The following ARHGEF11 variants were observed in gnomAD, a reference collection of about 807,000 sequenced individuals.
ARHGEF11 encodes the protein Rho guanine nucleotide exchange factor 11.
In ARHGEF11, 55 loss-of-function variants were observed where a neutral mutation model predicts 193.7. That is an observed-to-expected ratio of 0.28 (90% CI 0.23 to 0.36). ARHGEF11 has a LOEUF of 0.36. Among genes scored for constraint, ARHGEF11 ranks in the 10% least tolerant of loss-of-function variants. The probability of loss-of-function intolerance (pLI) is 1.00; values close to 1 mark genes in which losing one functional copy is unlikely to be tolerated. For synonymous variants in ARHGEF11, 693 were observed against 768.0 expected (o/e 0.90, Z 1.62); for missense variants, 1,723 against 2,005.6 (o/e 0.86, Z 2.69).
At chr1:157,027,159 C>T (rs940772379) in intron 1 of ARHGEF11, among the ~76,000 whole-genome samples, 3 of 152,124 alleles carry the variant, frequency 2.0e-5, no homozygotes, top group Non-Finnish European at 2.9e-5. Context: ...GCAGGAGGAT[C>T]GCTTGAGCCT....
In ARHGEF11 at chr1:156,980,464, A is replaced by G; in HGVS notation, c.246T>C (p.Gly82=). Residue 82 remains glycine (G), a synonymous_variant, in exon 4 of 41, where the codon GGT becomes GGC. Transcript: ENST00000368194. ...TGATGATCCGGTCGCCCTCTTTCAC[A>G]CCGGCCTTCATGGCTGCACCTCCTG... ...VRPGGAAMKA[G]VKEGDRIIKV... The G allele has an allele frequency of 6.2e-7, 1 of 1,602,206 alleles. No individual in the cohort carries two copies. The highest frequency in any genetic ancestry group is 8.5e-7 in the Non-Finnish European group (1 of 1,173,864).
At chr1:157,014,407 T>A (rs1184743752) in intron 1 of ARHGEF11, among the ~76,000 whole-genome samples, 1 of 151,960 alleles carries the variant, frequency 6.6e-6, no homozygotes, top group Admixed American at 6.6e-5. Flanking sequence ...CTCTCTCTCT[T>A]TTTTTTTCTC....
intron 1 of ARHGEF11, among the ~76,000 whole-genome samples, chr1:157,018,785 G>T (rs995223267): frequency 5.9e-5 from 9 of 152,138 alleles, no homozygotes; most frequent in Non-Finnish European, 1.5e-5. Flanking sequence ...GTGTGTTTTT[G>T]ATATAGATCA....
chr1:156,992,369 G>A (rs1471675332), intron 1 of ARHGEF11, among the ~76,000 whole-genome samples: 2 of 151,940 alleles, frequency 1.3e-5, no homozygotes, highest in African/African-American at 4.8e-5. Flanking sequence ...CCTGTGGCCT[G>A]GTGCGTCAGT....
At chr1:157,019,827 A>G (rs1669736340) in intron 1 of ARHGEF11, among the ~76,000 whole-genome samples, 1 of 152,234 alleles carries the variant, frequency 6.6e-6, no homozygotes, top group Non-Finnish European at 1.5e-5. Context: ...TGTGAGAGAA[A>G]GGAGGCAAGT....
chr1:156,977,084 G>C (rs748288394), intron 6 of ARHGEF11, 30 bp from the exon 7 acceptor site: 25 of 1,596,574 alleles, frequency 1.6e-5, no homozygotes, highest in Non-Finnish European at 2.1e-5. Context: ...CAATATAAGA[G>C]TTAGGGACTA....
At chr1:156,941,266 A>C in intron 35 of ARHGEF11, 106 bp downstream of exon 35, 7 of 1,025,064 alleles carry the variant, frequency 6.8e-6, no homozygotes, top group Non-Finnish European at 9.2e-6. Flanking sequence ...AAAACCTCAC[A>C]CCCCGGGCCC....
In ARHGEF11 at chr1:156,973,258, C is replaced by T. The variant is rs115628812; in HGVS notation, c.583-1442G>A. Reference sequence around the variant, plus strand: ...CCAAATGTTTCAAAACATTAGTCTACAACTAGGGCCCTGCACTTCTTTGTT... The same window carrying T: ...CCAAATGTTTCAAAACATTAGTCTATAACTAGGGCCCTGCACTTCTTTGTT... On this transcript the variant is annotated intron_variant, in intron 7 of 40. Coordinates refer to ENST00000368194, the MANE Select transcript of ARHGEF11 (RefSeq NM_198236.3). Among the ~76,000 whole-genome samples, 800 of 152,318 alleles carry T rather than the reference C, an allele frequency of 5.3e-3. 10 individuals are homozygous for T. Among genetic ancestry groups the T allele is most frequent in the African/African-American group, 0.018 (760 of 41,574 alleles).
At chr1:156,942,135 G>T in intron 33 of ARHGEF11, 146 bp from the exon 34 acceptor site, 2 of 1,165,906 alleles carry the variant, frequency 1.7e-6, no homozygotes, top group Non-Finnish European at 2.4e-6. Flanking sequence ...AGTCCTCCCT[G>T]GCTGCTCCCT....
At chr1:156,965,099 C>T (rs1277504524) in intron 11 of ARHGEF11, among the ~76,000 whole-genome samples, 1 of 152,156 alleles carries the variant, frequency 6.6e-6, no homozygotes, top group African/African-American at 2.4e-5. Context: ...CTGTTATTAA[C>T]ATTTATTACT....
At chr1:157,007,908 TTTTTG>T (rs1424961069) in intron 1 of ARHGEF11, among the ~76,000 whole-genome samples, 3 of 55,650 alleles carry the variant, frequency 5.4e-5, no homozygotes, top group African/African-American at 1.6e-4. Flanking sequence ...GGTTTTTTTT[TTTTTG>T]TTTTTTTTTT....
At chr1:157,021,640 GA>G (rs1401046020) in intron 1 of ARHGEF11, among the ~76,000 whole-genome samples, 1 of 148,810 alleles carries the variant, frequency 6.7e-6, no homozygotes, top group African/African-American at 2.4e-5. Context: ...TAAAGCAGTG[GA>G]AAAAAAGTTA....
rs764757352 is a variant in ARHGEF11, at chr1:156,963,313, C to CAGA, written c.1039-12_1039-10dup. The CAGA allele has an allele frequency of 6.2e-7, 1 of 1,612,290 alleles. No homozygotes were observed. Among genetic ancestry groups the CAGA allele is most frequent in the South Asian group, 1.1e-5 (1 of 90,920 alleles). On this transcript the variant is annotated splice_polypyrimidine_tract_variant and intron_variant, in intron 12 of 40. Transcript: ENST00000368194. ...TGGAATATGATGTCGCTCTGGAAGGCAGAAGGATGAGCATGGTGGGAAGCC... is the reference window on the plus strand; with the variant it reads ...TGGAATATGATGTCGCTCTGGAAGGCAGAAGAAGGATGAGCATGGTGGGAAGCC...
intron 1 of ARHGEF11, among the ~76,000 whole-genome samples, chr1:157,018,382 G>A (rs1391966453): frequency 6.6e-6 from 1 of 152,096 alleles, no homozygotes; most frequent in Admixed American, 6.5e-5. Flanking sequence ...GGTGGCTCAT[G>A]CCTGTAATCC....
chr1:156,969,743 G>A (rs1292257959), intron 9 of ARHGEF11, among the ~76,000 whole-genome samples: 1 of 152,362 alleles, frequency 6.6e-6, no homozygotes, highest in East Asian at 1.9e-4. Flanking sequence ...CAGGCAAGCT[G>A]CTGTCTGGAC....
rs1246002111 is a variant in ARHGEF11, at chr1:156,934,878, C to A, written c.*1122G>T. The A allele has an allele frequency of 6.6e-6, 1 of 150,508 alleles. No homozygotes were observed. The highest frequency in any genetic ancestry group is 2.4e-5 in the African/African-American group (1 of 41,010). The allele number at this position is 150,508 out of a possible 1,614,324, so 9.3% of individuals were successfully genotyped here. Reference sequence around the variant, plus strand: ...ACTTTTCTTAAAAAAAAAATCTTAACCATGAAAGGAAGAAAATAAAAGAGT... The same window carrying A: ...ACTTTTCTTAAAAAAAAAATCTTAAACATGAAAGGAAGAAAATAAAAGAGT... On this transcript the variant is annotated 3_prime_UTR_variant, in exon 41 of 41. Coordinates refer to ENST00000368194, the MANE Select transcript of ARHGEF11 (RefSeq NM_198236.3).
Position 156,961,685 on chromosome 1 carries a change from T to C in ARHGEF11, c.1231A>G (p.Lys411Glu), listed in dbSNP as rs1448019477. The C allele has an allele frequency of 2.5e-6, 4 of 1,613,962 alleles. No homozygotes were observed. The African/African-American group carries it at 5.3e-5, about 22-fold the overall frequency. ...GKDIWNIFLE[K>E]NAPLRVKIPE... ...ATCTATGACTGCCTTACCGCATTTT[T>C]CTCCAGGAAAATATTCCAGATGTCT... The change falls in exon 14 of 41, where the codon AAA becomes GAA. Residue 411 changes from lysine to glutamate, a missense_variant. By Grantham distance (56) the Lys-to-Glu change is moderately conservative. Transcript: ENST00000368194.
In ARHGEF11 at chr1:157,044,279, C is replaced by G. The variant is rs747076742; in HGVS notation, c.32+20G>C. On this transcript the variant is annotated intron_variant, in intron 1 of 40. Transcript: ENST00000368194. ...TTTCCTTTAGTCAATGTTGAAAAAT[C>G]AAATTATTAGCAAACCTACCTGTCT... 1 of 1,612,262 alleles carries G rather than the reference C, an allele frequency of 6.2e-7. No individual in the cohort carries two copies. The highest frequency in any genetic ancestry group is 2.2e-5 in the East Asian group (1 of 44,848).
At chr1:156,940,878 C>T (rs1017713527) in intron 35 of ARHGEF11, among the ~76,000 whole-genome samples, 3 of 152,254 alleles carry the variant, frequency 2.0e-5, no homozygotes, top group Middle Eastern at 3.4e-3. Context: ...AGCCAGGAAA[C>T]CCGAGATTTC....
Sources: gnomAD v4.1 joint callset for allele counts (sites outside exome capture counted in the v4.1 genomes callset) on GRCh38, gnomAD v4.1.1 for gene constraint, MANE v1.5 for transcripts, NCBI Gene and HGNC (gene_info 2026-07-23, HGNC 2026-07-21) for gene names.